Variants in EPS15 observed in about 807,000 individuals in gnomAD.
EPS15 encodes the protein epidermal growth factor receptor substrate 15.
A neutral mutation model predicts 113.8 loss-of-function variants in EPS15; 72 were observed. The ratio of observed to expected loss-of-function variants is 0.63; its 90% confidence interval spans 0.52 to 0.77. EPS15 has a LOEUF of 0.77. Ranked by LOEUF, EPS15 falls within the 30% of genes least tolerant of loss-of-function variation. EPS15 has a pLI of 0.00. For synonymous variants in EPS15, 344 were observed against 363.4 expected (o/e 0.95, Z 0.61); for missense variants, 1,048 against 1,045.8 (o/e 1.00, Z -0.03).
chr1:51,456,065 A>T (rs1454835834), intron 8 of EPS15, among the ~76,000 whole-genome samples: 1 of 152,202 alleles, frequency 6.6e-6, no homozygotes, highest in Non-Finnish European at 1.5e-5. Context: ...GCCATTCATC[A>T]AAGGTTCACA....
At chr1:51,433,858 T>A (rs963478479) in intron 12 of EPS15, among the ~76,000 whole-genome samples, 1 of 152,218 alleles carries the variant, frequency 6.6e-6, no homozygotes, top group African/African-American at 2.4e-5. Context: ...TGGAAGCTAG[T>A]AGATGACAAA....
intron 1 of EPS15, among the ~76,000 whole-genome samples, chr1:51,505,800 T>C (rs1481723447): frequency 1.3e-5 from 2 of 152,132 alleles, no homozygotes; most frequent in Non-Finnish European, 2.9e-5. Flanking sequence ...TTTTTATTTA[T>C]TTATTTATTT....
At chr1:51,516,640 C>T (rs1644723253) in intron 1 of EPS15, among the ~76,000 whole-genome samples, 1 of 152,058 alleles carries the variant, frequency 6.6e-6, no homozygotes, top group African/African-American at 2.4e-5. Flanking sequence ...CATTTTTTCC[C>T]CAAACTCAGT....
chr1:51,505,061 A>G (rs372430866), intron 1 of EPS15, among the ~76,000 whole-genome samples: 3 of 152,164 alleles, frequency 2.0e-5, no homozygotes, highest in African/African-American at 4.8e-5. Flanking sequence ...CAGAGGTTGC[A>G]GTGAGCCATG....
rs550194803 is a variant in EPS15, at chr1:51,505,500, T to C, written c.33+13699A>G. Reference sequence around the variant, plus strand: ...ATAGAGACAGAAAGTAGATTAATAGTTGCTTAGGCTGGGGGAAGCATGCAA... The same window carrying C: ...ATAGAGACAGAAAGTAGATTAATAGCTGCTTAGGCTGGGGGAAGCATGCAA... On this transcript the variant is annotated intron_variant, in intron 1 of 24. Transcript: ENST00000371733. Among the ~76,000 whole-genome samples, 142 of 152,294 alleles carry C rather than the reference T, an allele frequency of 9.3e-4. 1 individual carries two copies. Among genetic ancestry groups the C allele is most frequent in the African/African-American group, 3.4e-3 (141 of 41,572 alleles).
At chr1:51,410,827 T>C (rs59715648) in intron 13 of EPS15, among the ~76,000 whole-genome samples, 4,586 of 152,330 alleles carry the variant, frequency 0.03, 76 homozygotes, top group African/African-American at 0.05. Context: ...ATAGCACCAT[T>C]ATGATAATAG....
chr1:51,493,305 G>A (rs1159821459), intron 1 of EPS15, among the ~76,000 whole-genome samples: 1 of 150,674 alleles, frequency 6.6e-6, no homozygotes, highest in Non-Finnish European at 1.5e-5. Flanking sequence ...AGCTTGCAGT[G>A]AGCCAAGATC....
intron 1 of EPS15, among the ~76,000 whole-genome samples, chr1:51,486,324 C>A (rs545168863): frequency 5.3e-5 from 8 of 149,978 alleles, no homozygotes; most frequent in African/African-American, 1.5e-4. Context: ...ACTAGGAAGG[C>A]TGAGGCAGCA....
At chr1:51,513,438 G>A in intron 1 of EPS15, among the ~76,000 whole-genome samples, 1 of 152,062 alleles carries the variant, frequency 6.6e-6, no homozygotes, top group East Asian at 1.9e-4. Context: ...AACAAACTGT[G>A]AAACAATAAA....
chr1:51,400,906 T>G lies in EPS15; in HGVS notation c.1918+12A>C. On this transcript the variant is annotated intron_variant, in intron 19 of 24. Coordinates refer to ENST00000371733, the MANE Select transcript of EPS15 (RefSeq NM_001981.3). ...GAATGAAAGCTAAGATGAAACTCAATAAGATACTGACCGATTTTTCCAAAA... is the reference window on the plus strand; with the variant it reads ...GAATGAAAGCTAAGATGAAACTCAAGAAGATACTGACCGATTTTTCCAAAA... 6.4e-7 allele frequency: 1 copy of G among 1,563,630 alleles called. No individual in the cohort carries two copies. The highest frequency in any genetic ancestry group is 8.7e-7 in the Non-Finnish European group (1 of 1,146,846).
At chr1:51,477,733 G>C (rs1643936537) in intron 2 of EPS15, among the ~76,000 whole-genome samples, 1 of 152,268 alleles carries the variant, frequency 6.6e-6, no homozygotes, top group Admixed American at 6.5e-5. Flanking sequence ...TTCAGGAGCA[G>C]GTTGTTCAGT....
rs546110181 is a variant in EPS15 at position 51,400,991 on chromosome 1, T to A, written c.1883-38A>T. Reference sequence around the variant, plus strand: ...AAACACAAAGAAATCCAAATAACAATATTTACTGTGGTGACACCACTACTT... The same window carrying A: ...AAACACAAAGAAATCCAAATAACAAAATTTACTGTGGTGACACCACTACTT... On this transcript the variant is annotated intron_variant, in intron 18 of 24. Transcript: ENST00000371733. The A allele has an allele frequency of 5.0e-5, 72 of 1,427,312 alleles. No homozygotes were observed. In the South Asian group the frequency reaches 8.7e-4, roughly 17 times the overall value. The allele number at this position is 1,427,312 out of a possible 1,614,324, so 88.4% of individuals were successfully genotyped here. A position where few individuals can be genotyped will look rare whatever the true frequency, so the allele number is the denominator to read the frequency against.
At chr1:51,416,781 T>C (rs1253444698) in intron 13 of EPS15, among the ~76,000 whole-genome samples, 1 of 151,702 alleles carries the variant, frequency 6.6e-6, no homozygotes, top group Non-Finnish European at 1.5e-5. Flanking sequence ...GTATTTTATA[T>C]GAAACAGATG....
At chr1:51,371,279 G>C (rs913953034) in intron 21 of EPS15, among the ~76,000 whole-genome samples, 1 of 152,098 alleles carries the variant, frequency 6.6e-6, no homozygotes, top group Admixed American at 6.6e-5. Flanking sequence ...AAGAGCCTCA[G>C]GCAGGTCCTT....
At chr1:51,358,709 G>GTTTTTTTTTTT (rs71063028) in intron 24 of EPS15, among the ~76,000 whole-genome samples, 7 of 121,376 alleles carry the variant, frequency 5.8e-5, no homozygotes, top group Non-Finnish European at 7.0e-5. Context: ...GTTTTTTTTT[G>GTTTTTTTTTTT]TTTTTTTTTT....
At chr1:51,483,263 A>G (rs909126027) in intron 1 of EPS15, among the ~76,000 whole-genome samples, 4 of 152,190 alleles carry the variant, frequency 2.6e-5, no homozygotes, top group Non-Finnish European at 4.4e-5. Flanking sequence ...CATAAATTTT[A>G]TTACAGCATA....
In EPS15 at chr1:51,355,613, A is replaced by T. The variant is rs1354921273; in HGVS notation, c.*1087T>A. The T allele has an allele frequency of 1.0e-5, 2 of 192,526 alleles. No homozygotes were observed. The highest frequency in any genetic ancestry group is 2.2e-5 in the Non-Finnish European group (2 of 92,210). 11.9% of individuals were successfully genotyped at this position (192,526 alleles called of 1,614,324 possible). On this transcript the variant is annotated 3_prime_UTR_variant, in exon 25 of 25. Transcript: ENST00000371733. ...AAACATGAAGTGAGTAAATAAACTA[A>T]ACCACAAAGATGGACAAAAAGCAAT...
intron 8 of EPS15, among the ~76,000 whole-genome samples, chr1:51,460,137 A>C (rs572325943): frequency 5.9e-5 from 9 of 152,344 alleles, no homozygotes; most frequent in Non-Finnish European, 1.0e-4. Context: ...TAAAGAGAAC[A>C]ACCACGAAAG....
chr1:51,399,380 C>T (rs1251224716), intron 19 of EPS15, among the ~76,000 whole-genome samples: 1 of 151,646 alleles, frequency 6.6e-6, no homozygotes, highest in African/African-American at 2.4e-5. Flanking sequence ...TCAAAACCTC[C>T]TCTCTACTAA....
Sources: gnomAD v4.1 joint callset for allele counts (sites outside exome capture counted in the v4.1 genomes callset) on GRCh38, gnomAD v4.1.1 for gene constraint, MANE v1.5 for transcripts, NCBI Gene and HGNC (gene_info 2026-07-23, HGNC 2026-07-21) for gene names.